CPNE3: variants seen among roughly 807,000 people sequenced by gnomAD.
CPNE3 encodes the protein copine-3.
In CPNE3, 68 loss-of-function variants were observed where a neutral mutation model predicts 63.9. The observed-to-expected ratio is 1.06, with a 90% CI of 0.87 to 1.30. The LOEUF (loss-of-function observed/expected upper bound fraction) is 1.30. Among genes scored for constraint, CPNE3 ranks in the 50% most tolerant of loss-of-function variants. The pLI, the probability that CPNE3 is intolerant of heterozygous loss-of-function variation, is 0.00. For missense variants in CPNE3, 665 were observed against 578.1 expected (o/e 1.15, Z -1.54); for synonymous variants, 219 against 197.5 (o/e 1.11, Z -0.91).
chr8:86,527,308 T>C (rs894437485), intron 2 of CPNE3, among the ~76,000 whole-genome samples: 1 of 152,136 alleles, frequency 6.6e-6, no homozygotes, highest in African/African-American at 2.4e-5. Flanking sequence ...CTAGTTCCTT[T>C]TCATGGTGAC....
At chr8:86,531,761 T>C (rs989990158) in intron 5 of CPNE3, among the ~76,000 whole-genome samples, 1 of 152,228 alleles carries the variant, frequency 6.6e-6, no homozygotes, top group Non-Finnish European at 1.5e-5. Context: ...ATATATGCTT[T>C]ATTGTATTTC....
intron 6 of CPNE3, among the ~76,000 whole-genome samples, chr8:86,534,025 C>T (rs190847953): frequency 6.6e-6 from 1 of 151,940 alleles, no homozygotes; most frequent in Admixed American, 6.6e-5. Context: ...ACTCAGGAGA[C>T]TGAGGCAGGA....
intron 7 of CPNE3, among the ~76,000 whole-genome samples, chr8:86,539,281 G>C (rs1431172049): frequency 2.0e-5 from 3 of 152,134 alleles, no homozygotes; most frequent in African/African-American, 4.8e-5. Context: ...TTAAGTTAGA[G>C]TATGTTCTCA....
intron 10 of CPNE3, 90 bp downstream of exon 10, chr8:86,546,771 G>T: frequency 7.2e-7 from 1 of 1,381,538 alleles, no homozygotes; most frequent in Non-Finnish European, 9.7e-7. Flanking sequence ...GAGCGCAGTG[G>T]TGTGATCTCG....
intron 4 of CPNE3, 74 bp from the exon 5 acceptor site, chr8:86,531,081 T>C (rs1820672321): frequency 1.3e-6 from 1 of 777,364 alleles, no homozygotes; most frequent in African/African-American, 1.7e-5. Flanking sequence ...TCAGTCTTTT[T>C]TGCTGAAACT....
rs960042710 is a variant in CPNE3 at position 86,548,320 on chromosome 8, G to T, written c.899G>T (p.Gly300Val). ...TGGCAGGTGGGAGTGGACTTCACTG[G>T]CTCCAATGGTGACCCAAGGTCTCCA... ...LNFTVGVDFT[G>V]SNGDPRSPDS... The change falls in exon 12 of 17, where the codon GGC becomes GTC. Residue 300 changes from glycine to valine, a missense_variant. By Grantham distance (109) the Gly-to-Val change is moderately radical. Transcript: ENST00000517490. 1 of 1,613,862 alleles carries T rather than the reference G, an allele frequency of 6.2e-7. No homozygotes were observed. The highest frequency in any genetic ancestry group is 1.3e-5 in the African/African-American group (1 of 74,888).
intron 6 of CPNE3, among the ~76,000 whole-genome samples, chr8:86,535,941 G>A (rs1251759928): frequency 1.3e-5 from 2 of 151,972 alleles, no homozygotes; most frequent in Non-Finnish European, 2.9e-5. Context: ...GTGTGGTTAT[G>A]CTGTCACAGA....
chr8:86,556,011 T>C, intron 15 of CPNE3, 91 bp from the exon 16 acceptor site: 2 of 750,886 alleles, frequency 2.7e-6, no homozygotes, highest in Non-Finnish European at 4.8e-6. Flanking sequence ...GCAAGGAAAA[T>C]GAACAAGAAA....
chr8:86,548,220 C>T, intron 11 of CPNE3, 81 bp from the exon 12 acceptor site: 2 of 1,471,446 alleles, frequency 1.4e-6, no homozygotes, highest in Non-Finnish European at 9.3e-7. Flanking sequence ...GATTGTATCC[C>T]ATCTCTTGAA....
At chr8:86,544,492 A>G (rs1340976617) in intron 8 of CPNE3, among the ~76,000 whole-genome samples, 1 of 152,092 alleles carries the variant, frequency 6.6e-6, no homozygotes, top group Non-Finnish European at 1.5e-5. Flanking sequence ...TTGAAACAGT[A>G]TTTGTGTTTT....
At chr8:86,532,423 T>C in intron 5 of CPNE3, 86 bp from the exon 6 acceptor site, 1 of 910,790 alleles carries the variant, frequency 1.1e-6, no homozygotes, top group Non-Finnish European at 1.7e-6. Flanking sequence ...GTAGGCTTTA[T>C]ATTAGATAAC....
Position 86,515,447 on chromosome 8 carries a change from T to C in CPNE3, c.-48-15T>C, listed in dbSNP as rs1044361241. 4 of 152,248 alleles carry C rather than the reference T, an allele frequency of 2.6e-5. No individual in the cohort carries two copies. Among genetic ancestry groups the C allele is most frequent in the Non-Finnish European group, 5.9e-5 (4 of 68,028 alleles). The allele number at this position is 152,248 out of a possible 1,614,324, so 9.4% of individuals were successfully genotyped here. The stretch of plus-strand genomic sequence containing the variant: ...AGCACTTATTAAAGTGATGTTACTC[T>C]GTTTCATTCTCCAGGAAACTCAGGT... On this transcript the variant is annotated splice_polypyrimidine_tract_variant and intron_variant, in intron 1 of 16. Coordinates refer to ENST00000517490, the MANE Select transcript of CPNE3 (RefSeq NM_003909.5).
At chr8:86,552,488 G>T (rs566299163) in intron 14 of CPNE3, among the ~76,000 whole-genome samples, 1 of 152,236 alleles carries the variant, frequency 6.6e-6, no homozygotes, top group African/African-American at 2.4e-5. Flanking sequence ...TATTGTAAAT[G>T]AATATGGATG....
Position 86,544,768 on chromosome 8 carries a change from G to C in CPNE3, c.662G>C (p.Gly221Ala), listed in dbSNP as rs754566680. Residue 221 changes from glycine to alanine, a missense_variant, in exon 9 of 17, where the codon GGG becomes GCG. Coordinates refer to ENST00000517490, the MANE Select transcript of CPNE3 (RefSeq NM_003909.5). ...GAGTGTTATGATTATGACAATGATG[G>C]GTCACATGATCTCATTGGAACATTT... is the stretch of plus-strand genomic sequence containing the variant. ...KVECYDYDND[G>A]SHDLIGTFQT... 6.4e-7 allele frequency: 1 copy of C among 1,555,090 alleles called. No homozygotes were observed. The highest frequency in any genetic ancestry group is 1.8e-5 in the Admixed American group (1 of 54,254).
rs56759618 is a variant in CPNE3, at chr8:86,533,024, TTATCTATCTATCTATC to T, written c.459+474_459+489del. 4.0e-3 allele frequency among the ~76,000 whole-genome samples: 584 copies of T among 145,610 alleles called. 12 individuals are homozygous for T. In the East Asian group the frequency reaches 0.047, roughly 12 times the overall value. ...GATTATAATAATTCTTTTATCTATC[TTATCTATCTATCTATC>T]TATCTATCTATCTATCTATCTATCT... On this transcript the variant is annotated intron_variant, in intron 6 of 16. Transcript: ENST00000517490.
intron 7 of CPNE3, among the ~76,000 whole-genome samples, chr8:86,538,143 G>A (rs1695649665): frequency 6.6e-6 from 1 of 152,222 alleles, no homozygotes; most frequent in South Asian, 2.1e-4. Context: ...GGGAAGCCAA[G>A]GCAGGTGGAT....
intron 6 of CPNE3, among the ~76,000 whole-genome samples, chr8:86,534,023 G>C (rs901093808): frequency 6.6e-6 from 1 of 151,990 alleles, no homozygotes; most frequent in African/African-American, 2.4e-5. Flanking sequence ...CTACTCAGGA[G>C]ACTGAGGCAG....
rs1043984589 is a variant in CPNE3 at position 86,558,856 on chromosome 8, T to A, written c.*446T>A. ...CTGATTATGAGAGCTTCTTAAATTA[T>A]ATGATATCAAATTTGTTCCTGTAAC... On this transcript the variant is annotated 3_prime_UTR_variant, in exon 17 of 17. Coordinates refer to ENST00000517490, the MANE Select transcript of CPNE3 (RefSeq NM_003909.5). 1 of 162,854 alleles carries A rather than the reference T, an allele frequency of 6.1e-6. No individual in the cohort carries two copies. Among genetic ancestry groups the A allele is most frequent in the Admixed American group, 5.7e-5 (1 of 17,474 alleles). 10.1% of individuals were successfully genotyped at this position (162,854 alleles called of 1,614,324 possible).
chr8:86,555,772 C>T (rs1821311215), intron 15 of CPNE3, among the ~76,000 whole-genome samples: 1 of 152,116 alleles, frequency 6.6e-6, no homozygotes. Flanking sequence ...CCACTTGCCT[C>T]CTTGATAGAT....
Sources: allele counts gnomAD v4.1 joint callset (sites outside exome capture counted in the v4.1 genomes callset), GRCh38; gene constraint gnomAD v4.1.1; transcripts MANE v1.5; gene names NCBI Gene and HGNC (gene_info 2026-07-23, HGNC 2026-07-21).